ZNF385D: variants seen among roughly 807,000 people sequenced by gnomAD.
ZNF385D encodes zinc finger protein 659.
In ZNF385D, 15 loss-of-function variants were observed where a neutral mutation model predicts 35.8. The observed-to-expected ratio is 0.42, with a 90% CI of 0.28 to 0.64. The LOEUF is 0.64. ZNF385D is among the 30% of genes least tolerant of loss of function. The pLI is 0.23. For missense variants in ZNF385D, 474 were observed against 494.6 expected (o/e 0.96, Z 0.39); for synonymous variants, 212 against 186.8 (o/e 1.13, Z -1.10).
intron 2 of ZNF385D, among the ~76,000 whole-genome samples, chr3:21,568,186 CAAT>C (rs1293879500): frequency 6.8e-5 from 2 of 29,528 alleles, no homozygotes; most frequent in South Asian, 6.1e-4. Flanking sequence ...TTATTAATAA[CAAT>C]AAATCATTCA....
At chr3:21,433,834 T>C (rs1701417939) in intron 5 of ZNF385D, among the ~76,000 whole-genome samples, 2 of 152,184 alleles carry the variant, frequency 1.3e-5, no homozygotes, top group African/African-American at 4.8e-5. Flanking sequence ...ATTTAGTGTA[T>C]ATTAAATTCG....
chr3:21,684,405 C>CTCT (rs2067032625), intron 1 of ZNF385D, among the ~76,000 whole-genome samples: 3 of 8,768 alleles, frequency 3.4e-4, no homozygotes, highest in Non-Finnish European at 5.3e-4. Flanking sequence ...TCTCTCTCTC[C>CTCT]TCTCTCTCTC....
intron 4 of ZNF385D, among the ~76,000 whole-genome samples, chr3:21,470,098 G>A (rs915711289): frequency 2.6e-5 from 4 of 152,124 alleles, no homozygotes; most frequent in South Asian, 2.1e-4. Flanking sequence ...CTTTTTCCCC[G>A]TGGAAAAGTA....
chr3:22,127,271 C>CT (rs1363223915), intron 3 of ZNF385D, among the ~76,000 whole-genome samples: 1 of 129,732 alleles, frequency 7.7e-6, no homozygotes, highest in African/African-American at 3.0e-5. Context: ...GTCCTATATT[C>CT]TTTTTGTGAA....
chr3:22,250,345 T>C (rs1700000136), intron 2 of ZNF385D, among the ~76,000 whole-genome samples: 1 of 149,332 alleles, frequency 6.7e-6, no homozygotes, highest in African/African-American at 2.5e-5. Context: ...AATTTAGATT[T>C]TAAGAAACAC....
intron 2 of ZNF385D, among the ~76,000 whole-genome samples, chr3:22,256,188 TACATAC>T (rs1700306444): frequency 6.7e-6 from 1 of 149,280 alleles, no homozygotes; most frequent in Admixed American, 6.8e-5. Flanking sequence ...CATATACATA[TACATAC>T]ACACATACAT....
At chr3:22,153,843 A>C (rs1467939432) in intron 3 of ZNF385D, among the ~76,000 whole-genome samples, 5 of 152,066 alleles carry the variant, frequency 3.3e-5, no homozygotes, top group Admixed American at 6.6e-5. Context: ...TTCCTCAGCC[A>C]TATTTTAACA....
chr3:22,193,441 A>G (rs77910226), intron 2 of ZNF385D, among the ~76,000 whole-genome samples: 4,387 of 152,192 alleles, frequency 0.029, 210 homozygotes, highest in African/African-American at 0.099. Flanking sequence ...CTTATTATAT[A>G]TGATATTAAC....
chr3:21,819,554 G>C (rs1177205525), intron 3 of ZNF385D, among the ~76,000 whole-genome samples: 1 of 149,414 alleles, frequency 6.7e-6, no homozygotes, highest in Non-Finnish European at 1.5e-5. Flanking sequence ...TAATTTGCTA[G>C]GAAAATACAA....
At chr3:21,689,081 C>G (rs2125336989) in intron 1 of ZNF385D, among the ~76,000 whole-genome samples, 1 of 138,132 alleles carries the variant, frequency 7.2e-6, no homozygotes, top group South Asian at 2.3e-4. Context: ...AAAGATTTTT[C>G]TGATGTAAAA....
intron 2 of ZNF385D, among the ~76,000 whole-genome samples, chr3:22,216,697 A>G (rs1175832961): frequency 1.3e-5 from 2 of 152,164 alleles, no homozygotes; most frequent in Non-Finnish European, 2.9e-5. Flanking sequence ...GTCTGCTTGC[A>G]GCTTACCAAT....
At chr3:22,227,758 T>C (rs1490231009) in intron 2 of ZNF385D, among the ~76,000 whole-genome samples, 1 of 152,162 alleles carries the variant, frequency 6.6e-6, no homozygotes, top group Admixed American at 6.5e-5. Context: ...TCTAATGACC[T>C]ATAAGTTACA....
chr3:21,571,506 C>A (rs532521514), intron 2 of ZNF385D, among the ~76,000 whole-genome samples: 2 of 152,180 alleles, frequency 1.3e-5, no homozygotes, highest in East Asian at 3.9e-4. Context: ...ATAGGATAAA[C>A]TTTGGTAGGC....
chr3:21,744,195 TG>T (rs1158781815), intron 1 of ZNF385D, among the ~76,000 whole-genome samples: 2 of 152,230 alleles, frequency 1.3e-5, no homozygotes, highest in Non-Finnish European at 2.9e-5. Context: ...AATTATATTT[TG>T]TCTACTTCCC....
intron 2 of ZNF385D, among the ~76,000 whole-genome samples, chr3:21,604,322 T>C (rs1182243785): frequency 6.6e-6 from 1 of 152,154 alleles, no homozygotes; most frequent in Non-Finnish European, 1.5e-5. Context: ...ACAAATGAAA[T>C]TGACTGCCAA....
intron 4 of ZNF385D, among the ~76,000 whole-genome samples, chr3:21,471,307 A>T (rs866761890): frequency 4.7e-3 from 632 of 133,742 alleles, no homozygotes; most frequent in African/African-American, 0.012. Context: ...ACACACACAC[A>T]CACACACACA....
intron 2 of ZNF385D, among the ~76,000 whole-genome samples, chr3:22,359,844 T>G (rs1696334551): frequency 6.6e-6 from 1 of 151,906 alleles, no homozygotes. Context: ...TCATTTATAT[T>G]TCTTGGCCAT....
At chr3:22,050,869 GTT>G (rs1699310063) in intron 3 of ZNF385D, among the ~76,000 whole-genome samples, 2 of 96,726 alleles carry the variant, frequency 2.1e-5, no homozygotes, top group Non-Finnish European at 4.4e-5. Context: ...AATTCAATGT[GTT>G]ATAATTTCTG....
intron 4 of ZNF385D, chr3:21,443,073 G>C: frequency 1.1e-6 from 1 of 930,370 alleles, no homozygotes; most frequent in Non-Finnish European, 1.3e-6. Flanking sequence ...GTCTGCTAGA[G>C]TGGTATAGCT....
Sources: gnomAD v4.1 joint callset for allele counts (sites outside exome capture counted in the v4.1 genomes callset) on GRCh38, gnomAD v4.1.1 for gene constraint, MANE v1.5 for transcripts, NCBI Gene and HGNC (gene_info 2026-07-23, HGNC 2026-07-21) for gene names.